The following CPLANE1 variants were observed in gnomAD, a reference collection of about 807,000 sequenced individuals.
The protein encoded by CPLANE1 is ciliogenesis and planar polarity effector 1.
Under a neutral mutation model 362.5 loss-of-function variants are expected in CPLANE1, and 263 were observed. The observed-to-expected ratio is 0.73, with a 90% CI of 0.66 to 0.80. CPLANE1 has a LOEUF of 0.80. Ranked by LOEUF, CPLANE1 falls within the 30% of genes least tolerant of loss-of-function variation. CPLANE1 has a pLI of 0.00. For synonymous variants in CPLANE1, 1,212 were observed against 1,302.6 expected, an observed-to-expected ratio of 0.93 and a Z score of 1.50; for missense variants, 3,461 against 3,793.4, an observed-to-expected ratio of 0.91 and a Z score of 2.30.
intron 37 of CPLANE1, 80 bp from the exon 38 acceptor site, chr5:37,162,646 C>T: frequency 3.3e-6 from 3 of 921,690 alleles, no homozygotes; most frequent in Non-Finnish European, 5.0e-6. Flanking sequence ...GTACCTAACT[C>T]AATGGAAGTA....
chr5:37,134,446 T>C (rs1379425751), intron 46 of CPLANE1, among the ~76,000 whole-genome samples: 2 of 152,226 alleles, frequency 1.3e-5, no homozygotes, highest in Admixed American at 6.5e-5. Flanking sequence ...TAAAAGTCTC[T>C]GAGGATCTTT....
intron 43 of CPLANE1, among the ~76,000 whole-genome samples, chr5:37,144,933 A>G (rs933974374): frequency 6.6e-6 from 1 of 152,178 alleles, no homozygotes; most frequent in African/African-American, 2.4e-5. Flanking sequence ...AATCTTAACT[A>G]AGTGCTGACT....
downstream of CPLANE1, among the ~76,000 whole-genome samples, chr5:37,106,037 G>T (rs577413439): frequency 7.9e-5 from 12 of 152,204 alleles, no homozygotes; most frequent in African/African-American, 2.6e-4. Context: ...TCCAGCAAAA[G>T]ATGGAAAATA....
chr5:37,186,434 A>G (rs746509545), intron 23 of CPLANE1, 40 bp from the exon 24 acceptor site: 2 of 899,020 alleles, frequency 2.2e-6, no homozygotes, highest in East Asian at 2.4e-5. Context: ...GAGAAACATC[A>G]TTCTTTTTTT....
chr5:37,247,225 A>C (rs1278764377), intron 2 of CPLANE1, among the ~76,000 whole-genome samples: 5 of 152,228 alleles, frequency 3.3e-5, no homozygotes. Flanking sequence ...TTCCAAGAAC[A>C]CTTCATAGCA....
At position 37,215,621 on chromosome 5, in the gene CPLANE1, C is replaced by T. The variant is rs548475038; in HGVS notation, c.2747-1889G>A. 3.3e-5 allele frequency among the ~76,000 whole-genome samples: 5 copies of T among 151,816 alleles called. No individual in the cohort carries two copies. The South Asian group carries it at 1.0e-3, about 32-fold the overall frequency. ...AATTATGTGCACATACACCTAAGAA[C>T]TGTTCACAACTTTAAGTTTTATTTT... On this transcript the variant is annotated intron_variant, in intron 15 of 52. Transcript: ENST00000651892.
intron 16 of CPLANE1, among the ~76,000 whole-genome samples, chr5:37,208,675 T>TC (rs34843144): frequency 0.013 from 801 of 62,314 alleles, 7 homozygotes; most frequent in Non-Finnish European, 0.017. Flanking sequence ...AGACTCTGTC[T>TC]CCCCCCCCCC....
At chr5:37,119,821 T>TA (rs1459554685) in intron 50 of CPLANE1, among the ~76,000 whole-genome samples, 1 of 148,416 alleles carries the variant, frequency 6.7e-6, no homozygotes, top group East Asian at 2.0e-4. Flanking sequence ...CCGTCTCTAC[T>TA]AAAAAAATAC....
At chr5:37,086,195 T>C in the CPLANE1 span, among the ~76,000 whole-genome samples, 9 of 152,140 alleles carry the variant, frequency 5.9e-5, no homozygotes, top group African/African-American at 2.2e-4. Flanking sequence ...CTGGAACAAA[T>C]GGACTTAGAG....
In CPLANE1 at chr5:37,168,848, T is replaced by C; in HGVS notation, c.7176A>G (p.Glu2392=). ...VPSTPIQPIA[E]ERKYPRLSLL... is the part of the protein sequence containing the mutation. ...ATGACAATCTTGGGTATTTTCTTTCTTCTGCTATAGGTTGGATAGGTGTTG... is the reference window on the plus strand; with the variant it reads ...ATGACAATCTTGGGTATTTTCTTTCCTCTGCTATAGGTTGGATAGGTGTTG... The change falls in exon 34 of 53, where the codon GAA becomes GAG. Residue 2392 remains glutamate (E), a synonymous_variant. Coordinates refer to ENST00000651892, the MANE Select transcript of CPLANE1 (RefSeq NM_001384732.1). 2 of 1,613,810 alleles carry C rather than the reference T, an allele frequency of 1.2e-6. No individual in the cohort carries two copies. The highest frequency in any genetic ancestry group is 1.7e-6 in the Non-Finnish European group (2 of 1,179,956).
intron 9 of CPLANE1, among the ~76,000 whole-genome samples, chr5:37,228,548 T>A (rs1278221362): frequency 6.6e-6 from 1 of 152,164 alleles, no homozygotes; most frequent in Non-Finnish European, 1.5e-5. Flanking sequence ...CATGGAAAGA[T>A]GTAAAAGATA....
chr5:37,219,599 C>T (rs1240863854), intron 15 of CPLANE1, among the ~76,000 whole-genome samples: 1 of 152,092 alleles, frequency 6.6e-6, no homozygotes, highest in African/African-American at 2.4e-5. Flanking sequence ...CATTTCCCAG[C>T]AGACTCATTT....
rs1418514154 is a variant in CPLANE1 at position 37,208,044 on chromosome 5, G to C, written c.2921-1619C>G. ...TCTCACTGCAACCTCTGTCATCTGGGCTCAAGCAATCCTCCTGCCTCAGCC... is the reference window on the plus strand; with the variant it reads ...TCTCACTGCAACCTCTGTCATCTGGCCTCAAGCAATCCTCCTGCCTCAGCC... On this transcript the variant is annotated intron_variant, in intron 16 of 52. Transcript: ENST00000651892. Among the ~76,000 whole-genome samples, 4 of 152,266 alleles carry C rather than the reference G, an allele frequency of 2.6e-5. No individual in the cohort carries two copies. The East Asian group carries it at 7.7e-4, about 29-fold the overall frequency.
Position 37,171,365 on chromosome 5 carries a change from T to C in CPLANE1, c.6172-1034A>G, listed in dbSNP as rs755064428. ...CCTGGAGGACTTGAACGACTGCTGA[T>C]CCCTATCCCAAGTTTCTGATTCAAC... On this transcript the variant is annotated intron_variant, in intron 32 of 52. Coordinates refer to ENST00000651892, the MANE Select transcript of CPLANE1 (RefSeq NM_001384732.1). Among the ~76,000 whole-genome samples, 28 of 152,316 alleles carry C rather than the reference T, an allele frequency of 1.8e-4. No homozygotes were observed. In the Middle Eastern group the frequency reaches 0.017, roughly 93 times the overall value.
At chr5:37,117,731 G>C (rs1288617980) in intron 50 of CPLANE1, among the ~76,000 whole-genome samples, 2 of 152,188 alleles carry the variant, frequency 1.3e-5, no homozygotes, top group African/African-American at 4.8e-5. Flanking sequence ...GTGGGTATAA[G>C]TGTTGCTGAG....
chr5:37,124,069 G>A (rs1462957982), intron 47 of CPLANE1, among the ~76,000 whole-genome samples: 2 of 151,844 alleles, frequency 1.3e-5, no homozygotes, highest in African/African-American at 2.4e-5. Context: ...AAAACGTTAC[G>A]TTAACACCAA....
intron 16 of CPLANE1, 146 bp from the exon 17 acceptor site, chr5:37,206,571 C>T: frequency 3.3e-6 from 2 of 610,822 alleles, no homozygotes; most frequent in South Asian, 2.1e-5. Flanking sequence ...TAATACTCAA[C>T]ATGCCCTAGA....
At position 37,139,348 on chromosome 5, in the gene CPLANE1, C is replaced by A. The variant is rs139793397; in HGVS notation, c.8655G>T (p.Leu2885Phe). Residue 2885 changes from leucine (L) to phenylalanine (F), a missense_variant, in exon 45 of 53, where the codon TTG becomes TTT. Around this residue, in one of 2 missense-constraint regions of CPLANE1, gnomAD observed 3,380 missense variants for 3,666.1 expected, o/e 0.92. Coordinates refer to ENST00000651892, the MANE Select transcript of CPLANE1 (RefSeq NM_001384732.1). ...TSPGMNSSDELCESVSVHPLQ... is the reference protein window; with the variant it reads ...TSPGMNSSDEFCESVSVHPLQ... ...ACTCTTAAGATATTTACCTCTCACA[C>A]AATTCATCACTGCTATTCATACCTA... 7 of 1,265,482 alleles carry A rather than the reference C, an allele frequency of 5.5e-6. No individual in the cohort carries two copies. The highest frequency in any genetic ancestry group is 7.7e-6 in the Non-Finnish European group (7 of 914,674). 78.4% of individuals were successfully genotyped at this position (1,265,482 alleles called of 1,614,324 possible). A position where few individuals can be genotyped will look rare whatever the true frequency, so the allele number is the denominator to read the frequency against.
chr5:37,185,217 G>A (rs879582022), intron 24 of CPLANE1, 138 bp from the exon 25 acceptor site: 32 of 695,302 alleles, frequency 4.6e-5, no homozygotes, highest in Non-Finnish European at 6.0e-5. Flanking sequence ...CTTACTGGTC[G>A]TGTTTTCTTC....
Sources: gnomAD v4.1 joint callset for allele counts (sites outside exome capture counted in the v4.1 genomes callset) on GRCh38, gnomAD v4.1.1 for gene constraint, gnomAD v4.1.1 regional missense constraint, MANE v1.5 for transcripts, NCBI Gene and HGNC (gene_info 2026-07-23, HGNC 2026-07-21) for gene names.